Variants in MDGA2 observed in about 807,000 individuals in gnomAD.
MDGA2 encodes the protein MAM domain containing glycosylphosphatidylinositol anchor 2.
In MDGA2, 40 loss-of-function variants were observed where a neutral mutation model predicts 117.8. The ratio of observed to expected loss-of-function variants is 0.34; its 90% CI spans 0.26 to 0.44. MDGA2 has a LOEUF of 0.44. Among genes scored for constraint, MDGA2 ranks in the 20% least tolerant of loss-of-function variants. MDGA2 has a pLI of 1.00. For synonymous variants in MDGA2, 452 were observed against 439.0 expected (o/e 1.03, Z -0.37); for missense variants, 1,123 against 1,250.6 (o/e 0.90, Z 1.54).
intron 1 of MDGA2, among the ~76,000 whole-genome samples, chr14:47,614,083 G>GTTTTT (rs1896903009): frequency 9.7e-6 from 1 of 103,210 alleles, no homozygotes; most frequent in Admixed American, 1.0e-4. Context: ...GGTTATTCTT[G>GTTTTT]TTTTCTTTTT....
At chr14:47,481,281 C>T (rs1260914023) in intron 1 of MDGA2, among the ~76,000 whole-genome samples, 1 of 151,990 alleles carries the variant, frequency 6.6e-6, no homozygotes, top group Non-Finnish European at 1.5e-5. Flanking sequence ...AACTTAGAAA[C>T]TTTTAAACCA....
chr14:47,475,679 A>G (rs575829404), intron 1 of MDGA2, among the ~76,000 whole-genome samples: 1 of 152,328 alleles, frequency 6.6e-6, no homozygotes, highest in Non-Finnish European at 1.5e-5. Context: ...TTTCAGGGAC[A>G]TAGATGGAGC....
At chr14:47,333,624 A>G (rs1594801773) in intron 1 of MDGA2, among the ~76,000 whole-genome samples, 1 of 151,848 alleles carries the variant, frequency 6.6e-6, no homozygotes, top group East Asian at 1.9e-4. Context: ...ATTTAATCAC[A>G]GTTCCACTAT....
At chr14:47,214,090 C>G (rs1161173733) in intron 3 of MDGA2, among the ~76,000 whole-genome samples, 1 of 151,938 alleles carries the variant, frequency 6.6e-6, no homozygotes, top group Non-Finnish European at 1.5e-5. Context: ...TGGAAGAGAC[C>G]ACCTGCATGA....
chr14:47,022,005 ACG>A (rs1888303245), intron 8 of MDGA2, among the ~76,000 whole-genome samples: 1 of 152,190 alleles, frequency 6.6e-6, no homozygotes, highest in Admixed American at 6.5e-5. Context: ...AAAAAACTGT[ACG>A]TGTAGAGTTA....
chr14:47,360,422 A>T (rs780184991), intron 1 of MDGA2, among the ~76,000 whole-genome samples: 20 of 151,532 alleles, frequency 1.3e-4, no homozygotes, highest in Non-Finnish European at 2.5e-4. Flanking sequence ...AGATGTGCAA[A>T]GGATCTGAAT....
At chr14:47,275,720 T>C (rs1017335847) in intron 2 of MDGA2, among the ~76,000 whole-genome samples, 4 of 152,192 alleles carry the variant, frequency 2.6e-5, no homozygotes, top group Non-Finnish European at 4.4e-5. Context: ...TCCAGTTTCA[T>C]TTTTAAACAT....
chr14:47,520,206 G>C (rs954196110), intron 1 of MDGA2, among the ~76,000 whole-genome samples: 1 of 152,100 alleles, frequency 6.6e-6, no homozygotes, highest in African/African-American at 2.4e-5. Flanking sequence ...CTAAGGATTT[G>C]CATTCACAAT....
intron 1 of MDGA2, among the ~76,000 whole-genome samples, chr14:47,330,909 G>A (rs1890275194): frequency 6.6e-6 from 1 of 151,804 alleles, no homozygotes; most frequent in African/African-American, 2.4e-5. Flanking sequence ...TCAAAAGGTA[G>A]TTTCTATGAA....
intron 8 of MDGA2, among the ~76,000 whole-genome samples, chr14:47,032,253 A>C (rs1028882299): frequency 3.9e-5 from 6 of 152,154 alleles, no homozygotes; most frequent in African/African-American, 1.4e-4. Flanking sequence ...CATGTAGCAC[A>C]GGTATCCAAG....
intron 6 of MDGA2, among the ~76,000 whole-genome samples, chr14:47,087,279 C>A (rs2138924622): frequency 6.6e-6 from 1 of 151,560 alleles, no homozygotes; most frequent in East Asian, 2.0e-4. Flanking sequence ...CTTTGGGAGG[C>A]CTAGGCAGGT....
intron 1 of MDGA2, among the ~76,000 whole-genome samples, chr14:47,373,367 T>C (rs2138397511): frequency 6.6e-6 from 1 of 152,054 alleles, no homozygotes; most frequent in Admixed American, 6.6e-5. Context: ...ATACATAAAC[T>C]CATTAACAAA....
chr14:47,580,240 TCAAGACA>T (rs1175744535), intron 1 of MDGA2, among the ~76,000 whole-genome samples: 3 of 152,002 alleles, frequency 2.0e-5, no homozygotes, highest in African/African-American at 7.2e-5. Context: ...AAGTCCAAGA[TCAAGACA>T]CAAGATTCAG....
intron 3 of MDGA2, among the ~76,000 whole-genome samples, chr14:47,178,210 C>T (rs1166440138): frequency 6.6e-6 from 1 of 152,140 alleles, no homozygotes; most frequent in African/African-American, 2.4e-5. Context: ...AAGTAACTGA[C>T]ATGGCACTGT....
chr14:47,164,510 A>T (rs572675690), intron 3 of MDGA2, among the ~76,000 whole-genome samples: 1 of 152,222 alleles, frequency 6.6e-6, no homozygotes, highest in African/African-American at 2.4e-5. Flanking sequence ...AATGCTCATC[A>T]TCACTGGCCA....
At chr14:47,223,238 G>T (rs781274824) in intron 2 of MDGA2, among the ~76,000 whole-genome samples, 15 of 152,054 alleles carry the variant, frequency 9.9e-5, no homozygotes, top group Non-Finnish European at 2.1e-4. Flanking sequence ...AAGTTAAGGT[G>T]GGTGGGAACA....
At chr14:47,242,606 G>A (rs1333956218) in intron 2 of MDGA2, among the ~76,000 whole-genome samples, 2 of 151,846 alleles carry the variant, frequency 1.3e-5, no homozygotes, top group East Asian at 1.9e-4. Flanking sequence ...TGCGGAGGGT[G>A]TACTGAGTCC....
Position 46,855,166 on chromosome 14 carries a change from A to G in MDGA2, c.2753-12T>C. ...AACATTTAAGACACCTAAAAATGAC[A>G]ATAAAATTTTATTTTGCATATTCAT... is the stretch of plus-strand genomic sequence containing the variant. On this transcript the variant is annotated splice_polypyrimidine_tract_variant and intron_variant, in intron 14 of 16. Transcript: ENST00000399232. This position sits in a 1 kb window ranked among gnomAD's most constrained non-coding sequence, Gnocchi z 4.1. The G allele has an allele frequency of 6.3e-7, 1 of 1,588,366 alleles. No homozygotes were observed. Among genetic ancestry groups the G allele is most frequent in the South Asian group, 1.2e-5 (1 of 86,264 alleles).
At position 46,874,035 on chromosome 14, in the gene MDGA2, AC is replaced by A; in HGVS notation, c.2593+9del. ...GATTGCTATGAACACAAAAGGTCAT[AC>A]CCCCATACCTTCTTTGGAGCCACTA... On this transcript the variant is annotated intron_variant, in intron 13 of 16. Coordinates refer to ENST00000399232, the MANE Select transcript of MDGA2 (RefSeq NM_001113498.3). 6.5e-7 allele frequency: 1 copy of A among 1,528,214 alleles called. No homozygotes were observed. Among genetic ancestry groups the A allele is most frequent in the Admixed American group, 2.4e-5 (1 of 42,490 alleles). The allele number at this position is 1,528,214 out of a possible 1,614,324, so 94.7% of individuals were successfully genotyped here.
Sources: gnomAD v4.1 joint callset for allele counts (sites outside exome capture counted in the v4.1 genomes callset) on GRCh38, gnomAD v4.1.1 for gene constraint, Gnocchi (gnomAD v3.1) non-coding constraint, MANE v1.5 for transcripts, NCBI Gene and HGNC (gene_info 2026-07-23, HGNC 2026-07-21) for gene names.